The following NEK11 variants were observed in gnomAD, a reference collection of about 807,000 sequenced individuals.
NEK11 encodes the protein serine/threonine-protein kinase Nek11.
In NEK11, 72 loss-of-function variants were observed where a neutral mutation model predicts 80.7. The observed-to-expected ratio is 0.89, with a 90% CI of 0.74 to 1.08. The LOEUF (loss-of-function observed/expected upper bound fraction) is 1.08. Among genes scored for constraint, NEK11 ranks in the 50% least tolerant of loss-of-function variants. The pLI, the probability that NEK11 is intolerant of heterozygous loss-of-function variation, is 0.00. For synonymous variants in NEK11, 251 were observed against 260.7 expected, an observed-to-expected ratio of 0.96 and a Z score of 0.36; for missense variants, 764 against 763.6, an observed-to-expected ratio of 1.00 and a Z score of -0.01.
intron 3 of NEK11, among the ~76,000 whole-genome samples, chr3:131,071,609 AT>A (rs1283026731): frequency 6.6e-6 from 1 of 151,994 alleles, no homozygotes; most frequent in African/African-American, 2.4e-5. Context: ...AACTTAAAAA[AT>A]TTTATATAAA....
intron 5 of NEK11, among the ~76,000 whole-genome samples, chr3:131,129,702 A>T (rs1480415227): frequency 6.6e-6 from 1 of 152,222 alleles, no homozygotes; most frequent in Non-Finnish European, 1.5e-5. Flanking sequence ...TGTTGAAACG[A>T]CTGTGTTCCA....
intron 17 of NEK11, among the ~76,000 whole-genome samples, chr3:131,345,573 A>G (rs2097350513): frequency 6.6e-6 from 1 of 152,192 alleles, no homozygotes; most frequent in Admixed American, 6.5e-5. Context: ...ACCCTAATAT[A>G]TACTGCTGGG....
At chr3:131,178,513 C>T (rs1040808656) in intron 14 of NEK11, among the ~76,000 whole-genome samples, 3 of 152,090 alleles carry the variant, frequency 2.0e-5, no homozygotes, top group African/African-American at 4.8e-5. Context: ...TTGTTAAAAA[C>T]GAAGTCACGA....
chr3:131,207,852 A>G (rs1271075413), intron 14 of NEK11, among the ~76,000 whole-genome samples: 1 of 152,098 alleles, frequency 6.6e-6, no homozygotes, highest in Non-Finnish European at 1.5e-5. Context: ...TTCTTTGTAG[A>G]TTCTGTATAT....
rs556845655 is a variant in NEK11 at position 131,196,753 on chromosome 3, G to A, written c.1399+25866G>A. On this transcript the variant is annotated intron_variant, in intron 14 of 17. Transcript: ENST00000383366. ...TCACCATATTGGCCAGGCTGGTCTC[G>A]AACTCTTGACCTTGTGATCCGCCCT... Among the ~76,000 whole-genome samples, 38 of 151,868 alleles carry A rather than the reference G, an allele frequency of 2.5e-4. No homozygotes were observed. In the South Asian group the frequency reaches 5.2e-3, roughly 21 times the overall value.
At chr3:131,118,799 C>G (rs1276096250) in intron 5 of NEK11, among the ~76,000 whole-genome samples, 3 of 152,136 alleles carry the variant, frequency 2.0e-5, no homozygotes, top group Non-Finnish European at 4.4e-5. Context: ...GTTTGTATTT[C>G]TGTGGGATCG....
intron 5 of NEK11, among the ~76,000 whole-genome samples, chr3:131,129,805 T>C (rs2084090426): frequency 6.6e-6 from 1 of 152,190 alleles, no homozygotes; most frequent in Non-Finnish European, 1.5e-5. Flanking sequence ...TGATTTTTTT[T>C]CTCTCCAATA....
At position 131,074,992 on chromosome 3, in the gene NEK11, A is replaced by G. The variant is rs117683803; in HGVS notation, c.171-5431A>G. Among the ~76,000 whole-genome samples the G allele has an allele frequency of 9.2e-5, 14 of 152,310 alleles. No homozygotes were observed. In the East Asian group the frequency reaches 2.7e-3, roughly 29 times the overall value. On this transcript the variant is annotated intron_variant, in intron 3 of 17. Transcript: ENST00000383366. ...ATAGAAGATAGTTAATAGACAGTAAAGTAACAGAAGCGTGAGATTTCCTGT... is the reference window on the plus strand; with the variant it reads ...ATAGAAGATAGTTAATAGACAGTAAGGTAACAGAAGCGTGAGATTTCCTGT...
chr3:131,205,584 A>T (rs1459148458), intron 14 of NEK11, among the ~76,000 whole-genome samples: 1 of 152,188 alleles, frequency 6.6e-6, no homozygotes, highest in Admixed American at 6.5e-5. Context: ...ATACTCAGAC[A>T]GCCAGAAGGG....
intron 17 of NEK11, among the ~76,000 whole-genome samples, chr3:131,333,092 C>T (rs908516956): frequency 1.3e-5 from 2 of 152,082 alleles, no homozygotes; most frequent in African/African-American, 4.8e-5. Flanking sequence ...GCAGGCCAAC[C>T]TTCAGATTCA....
At chr3:131,103,377 C>T (rs1266880120) in intron 4 of NEK11, among the ~76,000 whole-genome samples, 4 of 152,194 alleles carry the variant, frequency 2.6e-5, no homozygotes, top group African/African-American at 9.6e-5. Flanking sequence ...ATGCTCTATG[C>T]AGCTTCTTTA....
chr3:131,265,010 CTGTT>C (rs1329671787), intron 16 of NEK11, among the ~76,000 whole-genome samples: 2 of 152,070 alleles, frequency 1.3e-5, no homozygotes, highest in East Asian at 1.9e-4. Context: ...ATTTGGTTCT[CTGTT>C]TGTCTGTTAT....
At chr3:131,238,766 A>G (rs1358534451) in intron 15 of NEK11, among the ~76,000 whole-genome samples, 1 of 152,104 alleles carries the variant, frequency 6.6e-6, no homozygotes, top group South Asian at 2.1e-4. Flanking sequence ...AGTGAGCAAA[A>G]AGATCATAGT....
intron 3 of NEK11, among the ~76,000 whole-genome samples, chr3:131,035,598 G>A (rs541345023): frequency 6.6e-6 from 1 of 152,318 alleles, no homozygotes; most frequent in East Asian, 1.9e-4. Flanking sequence ...CAGTCTTGGA[G>A]AGGAGCTTAT....
At chr3:131,334,663 A>C (rs2097151453) in intron 17 of NEK11, among the ~76,000 whole-genome samples, 1 of 152,138 alleles carries the variant, frequency 6.6e-6, no homozygotes, top group East Asian at 1.9e-4. Flanking sequence ...CCTTCAAAAA[A>C]TTAATGAATC....
intron 14 of NEK11, among the ~76,000 whole-genome samples, chr3:131,177,404 A>G (rs768288528): frequency 1.3e-5 from 2 of 152,218 alleles, no homozygotes; most frequent in Non-Finnish European, 2.9e-5. Context: ...ACATATGTTA[A>G]CATACAGTAA....
intron 4 of NEK11, among the ~76,000 whole-genome samples, chr3:131,108,016 A>G (rs187140876): frequency 5.6e-4 from 85 of 152,270 alleles, no homozygotes; most frequent in African/African-American, 1.9e-3. Flanking sequence ...CTTTTAGACA[A>G]GGAGTTAAGT....
At chr3:131,261,094 G>A (rs1200175129) in intron 16 of NEK11, among the ~76,000 whole-genome samples, 1 of 152,200 alleles carries the variant, frequency 6.6e-6, no homozygotes, top group African/African-American at 2.4e-5. Flanking sequence ...AGAAATGAGA[G>A]AAGAAACTCT....
chr3:131,136,367 C>T (rs2149631077), intron 7 of NEK11, among the ~76,000 whole-genome samples: 1 of 152,196 alleles, frequency 6.6e-6, no homozygotes, highest in Non-Finnish European at 1.5e-5. Context: ...CTTTAGTAGA[C>T]ACTCTGAGAA....
Sources: allele counts gnomAD v4.1 joint callset (sites outside exome capture counted in the v4.1 genomes callset), GRCh38; gene constraint gnomAD v4.1.1; transcripts MANE v1.5; gene names NCBI Gene and HGNC (gene_info 2026-07-23, HGNC 2026-07-21).